Variants in CDC42BPA observed in about 807,000 individuals in gnomAD.
CDC42BPA encodes CDC42 binding protein kinase alpha, also known as serine/threonine-protein kinase MRCK alpha.
Under a neutral mutation model 223.5 loss-of-function variants are expected in CDC42BPA, and 80 were observed. The observed-to-expected ratio is 0.36, with a 90% CI of 0.30 to 0.43. The LOEUF is 0.43. Among genes scored for constraint, CDC42BPA ranks in the 20% least tolerant of loss-of-function variants. The probability of loss-of-function intolerance (pLI) is 1.00; values close to 1 mark genes in which losing one functional copy is unlikely to be tolerated. For missense variants in CDC42BPA, 1,743 were observed against 2,099.9 expected (o/e 0.83, Z 3.32); for synonymous variants, 694 against 718.6 (o/e 0.97, Z 0.55).
At position 227,318,031 on chromosome 1, in the gene CDC42BPA, G is replaced by A. The variant is rs1447770077; in HGVS notation, c.-849C>T. 3.7e-5 allele frequency: 13 copies of A among 355,088 alleles called. No individual in the cohort carries two copies. Among genetic ancestry groups the A allele is most frequent in the Non-Finnish European group, 6.5e-5 (13 of 199,150 alleles). The allele number at this position is 355,088 out of a possible 1,614,324, so 22.0% of individuals were successfully genotyped here. ...CGGAGAAGCGGCTACTTGGCCGCCC[G>A]AGCCCACTCCATGTCGGTGGTCGCT... On this transcript the variant is annotated 5_prime_UTR_variant, in exon 1 of 37. Coordinates refer to ENST00000366766, the MANE Select transcript of CDC42BPA (RefSeq NM_001394014.1).
intron 1 of CDC42BPA, among the ~76,000 whole-genome samples, chr1:227,305,404 C>T (rs938751548): frequency 6.6e-6 from 1 of 152,166 alleles, no homozygotes; most frequent in Admixed American, 6.5e-5. Flanking sequence ...AAGTAACTCA[C>T]ATTTGTATAA....
Position 227,035,464 on chromosome 1 carries a change from T to C in CDC42BPA, c.3336+7A>G. 1.2e-6 allele frequency: 2 copies of C among 1,602,708 alleles called. No homozygotes were observed. Among genetic ancestry groups the C allele is most frequent in the South Asian group, 1.1e-5 (1 of 88,174 alleles). On this transcript the variant is annotated splice_region_variant and intron_variant, in intron 25 of 36. Coordinates refer to ENST00000366766, the MANE Select transcript of CDC42BPA (RefSeq NM_001394014.1). ...GATTAATCTAAACCCAACTTAATCATACTTACCCTGACATGACCTTCATAT... is the reference window on the plus strand; with the variant it reads ...GATTAATCTAAACCCAACTTAATCACACTTACCCTGACATGACCTTCATAT...
rs1669243030 is a variant in CDC42BPA at position 227,031,333 on chromosome 1, G to A, written c.3740C>T (p.Pro1247Leu). 2 of 1,613,784 alleles carry A rather than the reference G, an allele frequency of 1.2e-6. No individual in the cohort carries two copies. The highest frequency in any genetic ancestry group is 1.7e-6 in the Non-Finnish European group (2 of 1,179,894). The change falls in exon 28 of 37, where the codon CCC becomes CTC. Residue 1247 changes from proline to leucine, a missense_variant. By Grantham distance (98) the Pro-to-Leu change is moderately conservative. Transcript: ENST00000366766. ...GGCTGCCTGGGTTGTTTTAATGAGG[G>A]GTAGAGTGCTGTCATAAGCCTCTTT... Reference protein sequence around the residue: ...VPKEAYDSTLPLIKTTQAAAI... With the variant: ...VPKEAYDSTLLLIKTTQAAAI...
chr1:227,014,403 A>G (rs924996363), intron 34 of CDC42BPA, among the ~76,000 whole-genome samples: 4 of 152,104 alleles, frequency 2.6e-5, no homozygotes, highest in African/African-American at 9.7e-5. Context: ...TACTATGAAT[A>G]TATAATAATA....
intron 1 of CDC42BPA, among the ~76,000 whole-genome samples, chr1:227,296,766 T>C (rs1690718686): frequency 6.8e-6 from 1 of 146,848 alleles, no homozygotes. Flanking sequence ...AATATGACAT[T>C]GGATTTGGCA....
chr1:227,206,494 T>G (rs1672750583), intron 3 of CDC42BPA, among the ~76,000 whole-genome samples: 1 of 152,116 alleles, frequency 6.6e-6, no homozygotes, highest in Non-Finnish European at 1.5e-5. Flanking sequence ...TACATAAACC[T>G]CTGAAAAAAT....
intron 21 of CDC42BPA, among the ~76,000 whole-genome samples, chr1:227,067,278 G>C (rs1423433489): frequency 6.6e-6 from 1 of 152,038 alleles, no homozygotes; most frequent in Non-Finnish European, 1.5e-5. Context: ...GACCTGGCTG[G>C]GGTGTGCATT....
chr1:227,071,384 T>A (rs934643166), intron 20 of CDC42BPA, among the ~76,000 whole-genome samples: 33 of 151,862 alleles, frequency 2.2e-4, no homozygotes, highest in Admixed American at 1.4e-3. Flanking sequence ...ATATAAGATA[T>A]CCCTTTATTT....
At chr1:227,075,310 G>A (rs1433233368) in intron 17 of CDC42BPA, among the ~76,000 whole-genome samples, 2 of 152,170 alleles carry the variant, frequency 1.3e-5, no homozygotes, top group African/African-American at 4.8e-5. Context: ...AGGTAAATCA[G>A]CATGTATCCG....
At chr1:227,109,349 A>T (rs1364452955) in intron 14 of CDC42BPA, among the ~76,000 whole-genome samples, 1 of 151,970 alleles carries the variant, frequency 6.6e-6, no homozygotes, top group East Asian at 1.9e-4. Context: ...ATACAAACAC[A>T]TTGTACAGAT....
At chr1:227,053,305 C>A (rs1344145821) in intron 21 of CDC42BPA, among the ~76,000 whole-genome samples, 3 of 152,118 alleles carry the variant, frequency 2.0e-5, no homozygotes, top group African/African-American at 4.8e-5. Flanking sequence ...CATTGGTGCC[C>A]ACCTACGGCC....
At chr1:227,095,592 T>C in intron 15 of CDC42BPA, among the ~76,000 whole-genome samples, 1 of 82,634 alleles carries the variant, frequency 1.2e-5, no homozygotes, top group East Asian at 3.6e-4. Context: ...TTCTTTGGTT[T>C]TTTTTTTTTT....
At chr1:227,145,873 T>C in intron 7 of CDC42BPA, 136 bp from the exon 8 acceptor site, 1 of 632,150 alleles carries the variant, frequency 1.6e-6, no homozygotes, top group Non-Finnish European at 2.6e-6. Context: ...AAAGTACTAA[T>C]ACTAAAGGAA....
At chr1:227,303,923 T>C (rs757522395) in intron 1 of CDC42BPA, among the ~76,000 whole-genome samples, 1 of 152,220 alleles carries the variant, frequency 6.6e-6, no homozygotes, top group Non-Finnish European at 1.5e-5. Flanking sequence ...ATGATGGACA[T>C]TGTGCAAATA....
chr1:227,263,017 G>A (rs1300202505), intron 1 of CDC42BPA, among the ~76,000 whole-genome samples: 1 of 152,144 alleles, frequency 6.6e-6, no homozygotes, highest in Non-Finnish European at 1.5e-5. Flanking sequence ...CAGATCACTT[G>A]AGGTCAGTAG....
Position 227,206,851 on chromosome 1 carries a change from T to C in CDC42BPA, c.354+6285A>G, listed in dbSNP as rs188433181. ...CATGGTATATAATTCTTTTAACATATTGCTAAATTGTATTTGCTAATATTT... is the reference window on the plus strand; with the variant it reads ...CATGGTATATAATTCTTTTAACATACTGCTAAATTGTATTTGCTAATATTT... On this transcript the variant is annotated intron_variant, in intron 3 of 36. Coordinates refer to ENST00000366766, the MANE Select transcript of CDC42BPA (RefSeq NM_001394014.1). Among the ~76,000 whole-genome samples, 11 of 152,300 alleles carry C rather than the reference T, an allele frequency of 7.2e-5. No homozygotes were observed. In the East Asian group the frequency reaches 1.7e-3, roughly 24 times the overall value.
intron 22 of CDC42BPA, 53 bp downstream of exon 22, chr1:227,051,828 T>C (rs1194681995): frequency 1.9e-6 from 2 of 1,035,800 alleles, no homozygotes; most frequent in African/African-American, 3.3e-5. Context: ...TTCAATTCCC[T>C]CTTTTCTGAC....
At chr1:227,254,306 C>G (rs922426394) in intron 1 of CDC42BPA, 151 bp from the exon 2 acceptor site, 2 of 510,632 alleles carry the variant, frequency 3.9e-6, no homozygotes, top group African/African-American at 4.0e-5. Flanking sequence ...TGAGAATAAA[C>G]AGATTTAATT....
At chr1:227,278,335 T>A (rs953107850) in intron 1 of CDC42BPA, among the ~76,000 whole-genome samples, 2 of 152,228 alleles carry the variant, frequency 1.3e-5, no homozygotes, top group African/African-American at 2.4e-5. Flanking sequence ...TTAAATAGAA[T>A]TCTATCAAAA....
Sources: allele counts gnomAD v4.1 joint callset (sites outside exome capture counted in the v4.1 genomes callset), GRCh38; gene constraint gnomAD v4.1.1; transcripts MANE v1.5; gene names NCBI Gene and HGNC (gene_info 2026-07-23, HGNC 2026-07-21).